CLASP1: variants seen among roughly 807,000 people sequenced by gnomAD.
The protein encoded by CLASP1 is cytoplasmic linker associated protein 1.
CLASP1 carries 38 observed loss-of-function variants against 192.3 expected under a neutral mutation model. The ratio of observed to expected loss-of-function variants is 0.20; its 90% CI spans 0.15 to 0.26. The LOEUF (loss-of-function observed/expected upper bound fraction) is 0.26. CLASP1 is among the 10% of genes least tolerant of loss of function. The probability of loss-of-function intolerance (pLI) is 1.00; values close to 1 mark genes in which losing one functional copy is unlikely to be tolerated. For synonymous variants in CLASP1, 691 were observed against 712.8 expected, an observed-to-expected ratio of 0.97 and a Z score of 0.49; for missense variants, 1,433 against 1,932.5, an observed-to-expected ratio of 0.74 and a Z score of 4.85.
At chr2:121,409,707 C>A (rs550171146) in intron 24 of CLASP1, among the ~76,000 whole-genome samples, 3 of 152,272 alleles carry the variant, frequency 2.0e-5, no homozygotes, top group Admixed American at 2.0e-4. Flanking sequence ...GGTCTCTGAA[C>A]AAATAAGATA....
chr2:121,478,876 CCA>C (rs1559368732), intron 8 of CLASP1, among the ~76,000 whole-genome samples: 22 of 62,412 alleles, frequency 3.5e-4, no homozygotes, highest in African/African-American at 5.8e-4. Flanking sequence ...ACACACCACA[CCA>C]CACACACACC....
intron 6 of CLASP1, among the ~76,000 whole-genome samples, chr2:121,525,278 G>A (rs1364173439): frequency 2.0e-5 from 3 of 152,242 alleles, no homozygotes; most frequent in Admixed American, 1.3e-4. Context: ...TCACAGGTGA[G>A]ACAGCCAGCT....
In CLASP1 at chr2:121,639,935, G is replaced by GCA. The variant is rs1290906648; in HGVS notation, c.-286+9435_-286+9436dup. On this transcript the variant is annotated intron_variant, in intron 1 of 39. Coordinates refer to ENST00000263710, the Ensembl canonical transcript of CLASP1. Reference sequence around the variant, plus strand: ...CACATGCACACGTATGTTTACTGGGGCACAATTCACAACAACAAAGACTTG... The same window carrying GCA: ...CACATGCACACGTATGTTTACTGGGGCACACAATTCACAACAACAAAGACTTG... Among the ~76,000 whole-genome samples, 10 of 151,854 alleles carry GCA rather than the reference G, an allele frequency of 6.6e-5. No individual in the cohort carries two copies. In the East Asian group the frequency reaches 1.5e-3, roughly 23 times the overall value.
chr2:121,556,299 T>C lies in CLASP1; in HGVS notation c.196-25974A>G, dbSNP rs532985791. Among the ~76,000 whole-genome samples the C allele has an allele frequency of 2.0e-3, 309 of 152,290 alleles. 1 individual carries two copies. Among genetic ancestry groups the C allele is most frequent in the African/African-American group, 7.1e-3 (296 of 41,544 alleles). ...CCATGCCCAGCCACAGAATGTCCTT[T>C]TGAAAGGCAAGTCGTTATCATTTCA... On this transcript the variant is annotated intron_variant, in intron 2 of 39. Coordinates refer to ENST00000263710, the Ensembl canonical transcript of CLASP1.
exon 3 of CLASP1, chr2:121,530,302 G>A: frequency 6.4e-7 from 1 of 1,552,026 alleles, no homozygotes; most frequent in Non-Finnish European, 8.7e-7. Context: ...GGGCGGACAG[G>A]ATGTCCATGC....
chr2:121,531,924 G>GT (rs1251965982), intron 2 of CLASP1, among the ~76,000 whole-genome samples: 19 of 151,956 alleles, frequency 1.3e-4, no homozygotes, highest in Admixed American at 1.3e-4. Context: ...TGGTCCAATA[G>GT]TCAGATTAAA....
rs541225339 is a variant in CLASP1 at position 121,382,342 on chromosome 2, G to A, written c.3375-18C>T. 2 of 1,476,066 alleles carry A rather than the reference G, an allele frequency of 1.4e-6. No individual in the cohort carries two copies. Among genetic ancestry groups the A allele is most frequent in the South Asian group, 1.3e-5 (1 of 75,518 alleles). The allele number at this position is 1,476,066 out of a possible 1,614,324, so 91.4% of individuals were successfully genotyped here. A position where few individuals can be genotyped will look rare whatever the true frequency, so the allele number is the denominator to read the frequency against. On this transcript the variant is annotated intron_variant, in intron 32 of 39. Transcript: ENST00000263710. ...ATAACCGACTGCAGTGATCAGAAGAGGAAAATCAGAGAGAGAAATACAAAA... is the reference window on the plus strand; with the variant it reads ...ATAACCGACTGCAGTGATCAGAAGAAGAAAATCAGAGAGAGAAATACAAAA...
intron 32 of CLASP1, among the ~76,000 whole-genome samples, chr2:121,384,025 C>T (rs2072477421): frequency 1.4e-5 from 2 of 138,984 alleles, no homozygotes; most frequent in Admixed American, 7.1e-5. Context: ...CACACACACA[C>T]ACACACATAT....
intron 8 of CLASP1, among the ~76,000 whole-genome samples, chr2:121,492,753 C>T (rs2150161818): frequency 6.6e-6 from 1 of 151,674 alleles, no homozygotes; most frequent in Admixed American, 6.6e-5. Flanking sequence ...GGTGCAGCCA[C>T]TGTGGAAAAC....
At chr2:121,384,874 T>C (rs917725896) in intron 32 of CLASP1, among the ~76,000 whole-genome samples, 1 of 152,114 alleles carries the variant, frequency 6.6e-6, no homozygotes, top group African/African-American at 2.4e-5. Context: ...GAGTGAGACT[T>C]AATCTCTAAA....
At chr2:121,378,043 G>T (rs1453760822) in intron 33 of CLASP1, among the ~76,000 whole-genome samples, 1 of 152,192 alleles carries the variant, frequency 6.6e-6, no homozygotes, top group African/African-American at 2.4e-5. Context: ...AGAGGAATGG[G>T]CAGTTGGAAA....
chr2:121,496,763 G>A (rs539793577), intron 8 of CLASP1, among the ~76,000 whole-genome samples: 4 of 152,266 alleles, frequency 2.6e-5, no homozygotes, highest in South Asian at 2.1e-4. Flanking sequence ...CAAACATGAC[G>A]CATACCAAGC....
In CLASP1 at chr2:121,434,117, T is replaced by C. The variant is rs1344147790; in HGVS notation, c.1913-3940A>G. Among the ~76,000 whole-genome samples, 4 of 152,306 alleles carry C rather than the reference T, an allele frequency of 2.6e-5. No homozygotes were observed. The East Asian group carries it at 7.7e-4, about 29-fold the overall frequency. ...ATGAACTTTTAACTACTGATTCAAA[T>C]TGTTTAATGAGCAGTCTTAAAACTA... On this transcript the variant is annotated intron_variant, in intron 19 of 39. Transcript: ENST00000263710.
chr2:121,595,225 C>T (rs1172000711), intron 2 of CLASP1, among the ~76,000 whole-genome samples: 2 of 152,222 alleles, frequency 1.3e-5, no homozygotes, highest in Non-Finnish European at 2.9e-5. Context: ...CTGCCTCTGA[C>T]ACTTTCTAGT....
At chr2:121,560,924 GT>G (rs1283702502) in intron 2 of CLASP1, among the ~76,000 whole-genome samples, 3 of 152,026 alleles carry the variant, frequency 2.0e-5, no homozygotes, top group African/African-American at 7.2e-5. Context: ...TTGTTTGTTT[GT>G]TTTTTGTGTT....
At chr2:121,625,621 G>A (rs547751660) in intron 1 of CLASP1, among the ~76,000 whole-genome samples, 1 of 151,694 alleles carries the variant, frequency 6.6e-6, no homozygotes, top group African/African-American at 2.4e-5. Flanking sequence ...TTTTAGAAGA[G>A]ACGGGTTTCA....
chr2:121,624,613 C>T (rs1302198608), intron 1 of CLASP1, among the ~76,000 whole-genome samples: 3 of 152,098 alleles, frequency 2.0e-5, no homozygotes, highest in South Asian at 2.1e-4. Flanking sequence ...AATGGGGTTT[C>T]GCCATGTTGG....
rs869087192 is a variant in CLASP1 at position 121,631,158 on chromosome 2, CAAAAAA to C, written c.-286+18208_-286+18213del. 4.8e-4 allele frequency among the ~76,000 whole-genome samples: 31 copies of C among 65,156 alleles called. 1 individual carries two copies. Among genetic ancestry groups the C allele is most frequent in the East Asian group, 4.3e-3 (8 of 1,862 alleles). The allele number at this position is 65,156 out of a possible 152,430, so 42.7% of individuals were successfully genotyped here. A position where few individuals can be genotyped will look rare whatever the true frequency, so the allele number is the denominator to read the frequency against. On this transcript the variant is annotated intron_variant, in intron 1 of 39. Transcript: ENST00000263710. ...TGGGTGACAAAGCGAGACTCCAGCTCAAAAAAAAAAAAAAAAAAAAAAAAGAAATGA... is the reference window on the plus strand; with the variant it reads ...TGGGTGACAAAGCGAGACTCCAGCTCAAAAAAAAAAAAAAAAAAGAAATGA...
At chr2:121,478,958 ACAC>A (rs2092284946) in intron 8 of CLASP1, among the ~76,000 whole-genome samples, 1 of 41,676 alleles carries the variant, frequency 2.4e-5, no homozygotes, top group Admixed American at 2.8e-4. Flanking sequence ...CACCACACAC[ACAC>A]ACCACACACA....
Sources: allele counts gnomAD v4.1 joint callset (sites outside exome capture counted in the v4.1 genomes callset), GRCh38; gene constraint gnomAD v4.1.1; transcripts MANE v1.5; gene names NCBI Gene and HGNC (gene_info 2026-07-23, HGNC 2026-07-21).